OLA1: variants seen among roughly 807,000 people sequenced by gnomAD.
The protein encoded by OLA1 is obg-like ATPase 1.
A neutral mutation model predicts 48.4 loss-of-function variants in OLA1; 14 were observed. The observed-to-expected ratio is 0.29, with a 90% CI of 0.19 to 0.45. The LOEUF (loss-of-function observed/expected upper bound fraction) is 0.45. OLA1 is among the 20% of genes least tolerant of loss of function. The pLI is 1.00. For synonymous variants in OLA1, 127 were observed against 150.4 expected (o/e 0.84, Z 1.14); for missense variants, 325 against 467.1 (o/e 0.70, Z 2.80).
At chr2:174,098,762 C>CATGGTATCTGATACAAGGTAA (rs1426881149) in intron 7 of OLA1, among the ~76,000 whole-genome samples, 8 of 152,132 alleles carry the variant, frequency 5.3e-5, no homozygotes, top group Non-Finnish European at 2.9e-5. Flanking sequence ...AAATGCTTAG[C>CATGGTATCTGATACAAGGTAA]ATGGTATCTG....
chr2:174,199,960 T>A (rs915041115), intron 4 of OLA1, among the ~76,000 whole-genome samples: 2 of 152,006 alleles, frequency 1.3e-5, no homozygotes, highest in Non-Finnish European at 2.9e-5. Flanking sequence ...GATATAAGAA[T>A]CCAGCTGTCC....
chr2:174,110,403 C>T (rs1238547558), intron 7 of OLA1, among the ~76,000 whole-genome samples: 2 of 150,020 alleles, frequency 1.3e-5, no homozygotes, highest in Admixed American at 6.7e-5. Context: ...GTGCCCACCT[C>T]GGCCTCCCAA....
chr2:174,078,994 C>G lies in OLA1; in HGVS notation c.1063G>C (p.Glu355Gln). ...AEVMKYEDFK[E>Q]EGSENAVKAA... ...TTGACTGCATTTTCAGAACCTTCCTCTTTAAAATCTTCGTATTTCATTACT... is the reference window on the plus strand; with the variant it reads ...TTGACTGCATTTTCAGAACCTTCCTGTTTAAAATCTTCGTATTTCATTACT... Residue 355 changes from glutamate (E) to glutamine (Q), a missense_variant, in exon 10 of 11, where the codon GAG (glutamate) becomes CAG (glutamine). Coordinates refer to ENST00000284719, the MANE Select transcript of OLA1 (RefSeq NM_013341.5). 6.2e-6 allele frequency: 10 copies of G among 1,603,880 alleles called. No individual in the cohort carries two copies. The highest frequency in any genetic ancestry group is 8.5e-6 in the Non-Finnish European group (10 of 1,176,058).
chr2:174,103,637 T>C (rs754689404), intron 7 of OLA1, among the ~76,000 whole-genome samples: 2 of 152,186 alleles, frequency 1.3e-5, no homozygotes, highest in Non-Finnish European at 2.9e-5. Flanking sequence ...AAGGGATACA[T>C]TCAATGGATT....
At chr2:174,175,785 A>C (rs751585117) in intron 4 of OLA1, among the ~76,000 whole-genome samples, 4 of 152,100 alleles carry the variant, frequency 2.6e-5, no homozygotes, top group Non-Finnish European at 4.4e-5. Flanking sequence ...GTAACAATAA[A>C]AACTGGAAAC....
intron 4 of OLA1, among the ~76,000 whole-genome samples, chr2:174,211,014 G>A (rs554420968): frequency 6.6e-6 from 1 of 152,174 alleles, no homozygotes; most frequent in African/African-American, 2.4e-5. Flanking sequence ...GATAGATAAG[G>A]CCCCTTCACA....
intron 4 of OLA1, among the ~76,000 whole-genome samples, chr2:174,181,324 T>C (rs1477207182): frequency 6.6e-6 from 1 of 152,090 alleles, no homozygotes; most frequent in Non-Finnish European, 1.5e-5. Context: ...AGCTTTGTTG[T>C]GAAGGCAAAC....
At chr2:174,104,065 G>C (rs1685459054) in intron 7 of OLA1, among the ~76,000 whole-genome samples, 1 of 151,738 alleles carries the variant, frequency 6.6e-6, no homozygotes, top group Non-Finnish European at 1.5e-5. Context: ...TACTTTCCCT[G>C]ATGAATTTTC....
At chr2:174,098,168 A>G (rs1055842433) in intron 7 of OLA1, among the ~76,000 whole-genome samples, 27 of 152,204 alleles carry the variant, frequency 1.8e-4, no homozygotes, top group African/African-American at 5.8e-4. Flanking sequence ...AACAATTCCT[A>G]TTGACATATA....
intron 4 of OLA1, among the ~76,000 whole-genome samples, chr2:174,177,149 A>G (rs1369715652): frequency 6.6e-6 from 1 of 152,158 alleles, no homozygotes; most frequent in Non-Finnish European, 1.5e-5. Context: ...AGATCTCCAT[A>G]GCAACTTCCC....
chr2:174,133,675 C>A (rs1315840823), intron 5 of OLA1, among the ~76,000 whole-genome samples: 1 of 152,162 alleles, frequency 6.6e-6, no homozygotes, highest in African/African-American at 2.4e-5. Context: ...TATGGTGTAA[C>A]CCCAACGTAA....
intron 4 of OLA1, among the ~76,000 whole-genome samples, chr2:174,168,649 C>G (rs1043565265): frequency 1.3e-5 from 2 of 151,820 alleles, no homozygotes; most frequent in African/African-American, 2.4e-5. Flanking sequence ...GAGACAGGCA[C>G]TCCCAGCAGA....
intron 4 of OLA1, among the ~76,000 whole-genome samples, chr2:174,160,423 T>C (rs772116733): frequency 5.3e-5 from 8 of 152,210 alleles, no homozygotes; most frequent in African/African-American, 9.6e-5. Context: ...TCTCAATTTT[T>C]TAAAAATTGC....
chr2:174,111,746 T>C (rs533633798), intron 7 of OLA1, among the ~76,000 whole-genome samples: 1 of 152,296 alleles, frequency 6.6e-6, no homozygotes, highest in East Asian at 1.9e-4. Flanking sequence ...ACTCCCAAAG[T>C]AGTTCTCAAA....
At chr2:174,184,074 A>T (rs750812968) in intron 4 of OLA1, among the ~76,000 whole-genome samples, 5 of 152,174 alleles carry the variant, frequency 3.3e-5, no homozygotes, top group Admixed American at 6.5e-5. Flanking sequence ...TAGGATGAAA[A>T]TTTTTTATAA....
At chr2:174,148,139 C>G (rs1686657218) in intron 4 of OLA1, among the ~76,000 whole-genome samples, 1 of 152,212 alleles carries the variant, frequency 6.6e-6, no homozygotes, top group South Asian at 2.1e-4. Flanking sequence ...GTAACCCCAG[C>G]ACTTTGGGAG....
At chr2:174,124,218 T>C (rs1447509773) in intron 5 of OLA1, 2 of 96,128 alleles carry the variant, frequency 2.1e-5, no homozygotes, top group African/African-American at 4.0e-5. Flanking sequence ...GCACCCCCAA[T>C]ACCCCCAACT....
chr2:174,147,674 A>G (rs1686641995), intron 4 of OLA1, among the ~76,000 whole-genome samples: 1 of 152,188 alleles, frequency 6.6e-6, no homozygotes, highest in African/African-American at 2.4e-5. Context: ...CTCTCTCTTA[A>G]TGACACCGAC....
At chr2:174,149,722 AT>A (rs1002346359) in intron 4 of OLA1, among the ~76,000 whole-genome samples, 1 of 152,246 alleles carries the variant, frequency 6.6e-6, no homozygotes, top group African/African-American at 2.4e-5. Flanking sequence ...TTTGGCAGAA[AT>A]GATGAGTTGG....
Sources: allele counts gnomAD v4.1 joint callset (sites outside exome capture counted in the v4.1 genomes callset), GRCh38; gene constraint gnomAD v4.1.1; transcripts MANE v1.5; gene names NCBI Gene and HGNC (gene_info 2026-07-23, HGNC 2026-07-21).